TCF12: variants seen among roughly 807,000 people sequenced by gnomAD.
The protein encoded by TCF12 is transcription factor 12.
In TCF12, 45 loss-of-function variants were observed where a neutral mutation model predicts 86.0. The ratio of observed to expected loss-of-function variants is 0.52; its 90% CI spans 0.41 to 0.67. The LOEUF (loss-of-function observed/expected upper bound fraction) is 0.67, where lower values mean the gene tolerates loss of function less well. Ranked by LOEUF, TCF12 falls within the 30% of genes least tolerant of loss-of-function variation. TCF12 has a pLI of 0.00. For synonymous variants in TCF12, 330 were observed against 299.6 expected, an observed-to-expected ratio of 1.10 and a Z score of -1.05; for missense variants, 881 against 859.9, an observed-to-expected ratio of 1.02 and a Z score of -0.31.
At chr15:56,993,706 G>T (rs1567219237) in intron 3 of TCF12, among the ~76,000 whole-genome samples, 1 of 152,148 alleles carries the variant, frequency 6.6e-6, no homozygotes, top group Non-Finnish European at 1.5e-5. Context: ...AACTGATGCT[G>T]GAACCATGGC....
intron 3 of TCF12, among the ~76,000 whole-genome samples, chr15:56,932,431 T>G (rs1190110544): frequency 6.6e-6 from 1 of 152,150 alleles, no homozygotes; most frequent in Non-Finnish European, 1.5e-5. Flanking sequence ...GAATTTAGTA[T>G]CTCTAGAAAT....
intron 3 of TCF12, among the ~76,000 whole-genome samples, chr15:56,938,098 A>G (rs1425362741): frequency 3.6e-5 from 3 of 83,842 alleles, no homozygotes; most frequent in African/African-American, 9.6e-5. Context: ...GATTTTTTGC[A>G]TCTATGTTCA....
At chr15:57,031,481 GA>G (rs2066181860) in intron 3 of TCF12, among the ~76,000 whole-genome samples, 1 of 152,130 alleles carries the variant, frequency 6.6e-6, no homozygotes, top group African/African-American at 2.4e-5. Context: ...CTATAACTCA[GA>G]ATTTAGACAT....
At chr15:57,207,688 A>G (rs1429724029) in intron 8 of TCF12, among the ~76,000 whole-genome samples, 1 of 152,140 alleles carries the variant, frequency 6.6e-6, no homozygotes, top group Non-Finnish European at 1.5e-5. Flanking sequence ...AAAAAACAAC[A>G]ACAAAAATAA....
chr15:57,113,776 C>T (rs1219427584), intron 5 of TCF12, among the ~76,000 whole-genome samples: 21 of 45,142 alleles, frequency 4.7e-4, no homozygotes, highest in Non-Finnish European at 8.8e-4. Context: ...CTCGTCTCTA[C>T]TTAAAAAAAA....
At chr15:57,018,526 G>A (rs574037160) in intron 3 of TCF12, among the ~76,000 whole-genome samples, 1 of 151,890 alleles carries the variant, frequency 6.6e-6, no homozygotes, top group East Asian at 1.9e-4. Flanking sequence ...GCAGTGGCAA[G>A]ATCTCGGCTC....
chr15:57,282,331 T>C, intron 19 of TCF12, 114 bp from the exon 20 acceptor site: 2 of 1,251,522 alleles, frequency 1.6e-6, no homozygotes, highest in Non-Finnish European at 2.3e-6. Flanking sequence ...TTCTTCTATG[T>C]GATGGTACTT....
At chr15:57,291,018 C>G (rs1357948980), downstream of TCF12, 2 of 152,170 alleles carry the variant, frequency 1.3e-5, no homozygotes, top group African/African-American at 4.8e-5. Context: ...AGTAAACTTA[C>G]ACGTATTGTC....
chr15:57,281,875 T>C (rs1408276182), intron 19 of TCF12: 1 of 161,096 alleles, frequency 6.2e-6, no homozygotes, highest in Admixed American at 5.8e-5. Flanking sequence ...TGTGCTGAAA[T>C]CATCCTGAAA....
chr15:57,142,487 T>G (rs2053051425), intron 5 of TCF12, among the ~76,000 whole-genome samples: 2 of 152,210 alleles, frequency 1.3e-5, no homozygotes, highest in Admixed American at 1.3e-4. Flanking sequence ...CTAAAGGGGC[T>G]CCCACTGGCC....
intron 8 of TCF12, among the ~76,000 whole-genome samples, chr15:57,210,811 T>C (rs1281404345): frequency 6.6e-6 from 1 of 152,234 alleles, no homozygotes; most frequent in Non-Finnish European, 1.5e-5. Flanking sequence ...CTTTATCCTG[T>C]AAACTTTCCA....
At chr15:57,216,267 T>A (rs1230842602) in intron 8 of TCF12, among the ~76,000 whole-genome samples, 1 of 152,168 alleles carries the variant, frequency 6.6e-6, no homozygotes, top group African/African-American at 2.4e-5. Context: ...TCTGGCATTT[T>A]CACTAGTCAT....
At chr15:56,948,183 G>A (rs962354771) in intron 3 of TCF12, among the ~76,000 whole-genome samples, 9 of 151,504 alleles carry the variant, frequency 5.9e-5, no homozygotes, top group Non-Finnish European at 7.4e-5. Context: ...ATGCAGTGGC[G>A]TGATCATGGC....
chr15:57,287,053 G>A lies in TCF12; in HGVS notation c.*908G>A, dbSNP rs2061958202. 1 of 164,528 alleles carries A rather than the reference G, an allele frequency of 6.1e-6. No homozygotes were observed. The highest frequency in any genetic ancestry group is 5.8e-5 in the Admixed American group (1 of 17,360). The allele number at this position is 164,528 out of a possible 1,614,324, so 10.2% of individuals were successfully genotyped here. On this transcript the variant is annotated 3_prime_UTR_variant, in exon 21 of 21. Transcript: ENST00000333725. ...ACTTTTCAAGCTTCTAGATCTCATA[G>A]GAAAGCTTGTAATAGCAAAATTGTA...
intron 3 of TCF12, among the ~76,000 whole-genome samples, chr15:57,001,871 T>C (rs931479706): frequency 6.6e-6 from 1 of 152,204 alleles, no homozygotes; most frequent in Admixed American, 6.5e-5. Flanking sequence ...GGATTGCCAC[T>C]GTCTTTGGAA....
intron 6 of TCF12, among the ~76,000 whole-genome samples, chr15:57,170,780 T>TTATATATA (rs2055409922): frequency 3.5e-4 from 1 of 2,834 alleles, no homozygotes; most frequent in African/African-American, 7.8e-4. Flanking sequence ...TTATATATAA[T>TTATATATA]ATATATATAT....
chr15:57,279,635 A>G (rs2061587296), intron 19 of TCF12, among the ~76,000 whole-genome samples: 1 of 152,152 alleles, frequency 6.6e-6, no homozygotes, highest in Admixed American at 6.5e-5. Flanking sequence ...AACCTGAAAG[A>G]TCTTGCCTAA....
At chr15:57,065,787 A>T (rs2068825030) in intron 4 of TCF12, among the ~76,000 whole-genome samples, 1 of 152,164 alleles carries the variant, frequency 6.6e-6, no homozygotes, top group Non-Finnish European at 1.5e-5. Flanking sequence ...TATAGGTCAA[A>T]TGTGAAATGC....
At chr15:56,976,546 T>A (rs2062616352) in intron 3 of TCF12, among the ~76,000 whole-genome samples, 1 of 151,906 alleles carries the variant, frequency 6.6e-6, no homozygotes, top group Admixed American at 6.6e-5. Flanking sequence ...AGCTAATACA[T>A]GAGGAAGGAA....
Sources: gnomAD v4.1 joint callset for allele counts (sites outside exome capture counted in the v4.1 genomes callset) on GRCh38, gnomAD v4.1.1 for gene constraint, MANE v1.5 for transcripts, NCBI Gene and HGNC (gene_info 2026-07-23, HGNC 2026-07-21) for gene names.